The following KDM5C variants were observed in gnomAD, a reference collection of about 807,000 sequenced individuals.
KDM5C encodes lysine-specific demethylase 5C.
Under a neutral mutation model 110.6 loss-of-function variants are expected in KDM5C, and 16 were observed. That is an observed-to-expected ratio of 0.14 (90% confidence interval 0.10 to 0.22). KDM5C has a LOEUF of 0.22. KDM5C is among the 10% of genes least tolerant of loss of function. The pLI, the probability that KDM5C is intolerant of heterozygous loss-of-function variation, is 1.00. For missense variants in KDM5C, 681 were observed against 1,300.9 expected (o/e 0.52, Z 7.33); for synonymous variants, 511 against 520.4 (o/e 0.98, Z 0.24).
chrX:53,224,533 G>A (rs782017063), intron 1 of KDM5C, among the ~76,000 whole-genome samples: 10 of 111,149 alleles, frequency 9.0e-5, no homozygotes, highest in Non-Finnish European at 1.7e-4. Context: ...GGGTGGGGGT[G>A]GATCTCTGAC....
Position 53,224,897 on chromosome X carries a change from C to T in KDM5C, c.-8G>A. The T allele has an allele frequency of 8.3e-7, 1 of 1,201,085 alleles. No homozygotes were observed. The highest frequency in any genetic ancestry group is 3.0e-5 in the East Asian group (1 of 33,396). On this transcript the variant is annotated 5_prime_UTR_variant, in exon 1 of 26. Transcript: ENST00000375401. ...GTCGGACCCCGGCTCCATGGTGGGC[C>T]CGAGGTCTGGGCCAGGGATCGGGAG...
chrX:53,198,466 C>T (rs1456637418), intron 17 of KDM5C, 24 bp downstream of exon 17: 1 of 1,191,017 alleles, frequency 8.4e-7, no homozygotes, highest in Non-Finnish European at 1.1e-6. Context: ...CTTATGTGTG[C>T]CCTAACTCCT....
At chrX:53,198,009 C>T in intron 17 of KDM5C, 133 bp from the exon 18 acceptor site, 4 of 534,722 alleles carry the variant, frequency 7.5e-6, no homozygotes, top group Non-Finnish European at 1.3e-5. Context: ...GCCCCAATTG[C>T]CCAGGTTAGA....
At chrX:53,193,396 C>A (rs377113065) in intron 25 of KDM5C, 41 bp downstream of exon 25, 2 of 1,211,642 alleles carry the variant, frequency 1.7e-6, no homozygotes, top group Non-Finnish European at 2.2e-6. Flanking sequence ...GCTCCCTACT[C>A]GGCCTGACCT....
intron 1 of KDM5C, among the ~76,000 whole-genome samples, chrX:53,224,075 G>C (rs1489996128): frequency 1.8e-5 from 2 of 112,239 alleles, no homozygotes; most frequent in African/African-American, 6.5e-5. Flanking sequence ...GCCTGGCAAG[G>C]TATGAGTAAA....
chrX:53,218,947 C>T (rs1360603097), intron 2 of KDM5C, among the ~76,000 whole-genome samples: 1 of 112,116 alleles, frequency 8.9e-6, no homozygotes, highest in Admixed American at 9.4e-5. Flanking sequence ...GAGAGGGTCA[C>T]AACTGCCAAA....
downstream of KDM5C, among the ~76,000 whole-genome samples, chrX:53,186,831 C>A (rs183688796): frequency 4.5e-5 from 5 of 112,251 alleles, no homozygotes; most frequent in East Asian, 1.4e-3. Flanking sequence ...TCCACTGTTT[C>A]ATGAGTAGTT....
rs1556831593 is a variant in KDM5C, at chrX:53,192,728, G to T, written c.*239C>A. 8.7e-7 allele frequency: 1 copy of T among 1,149,657 alleles called. No individual in the cohort carries two copies. The highest frequency in any genetic ancestry group is 1.2e-6 in the Non-Finnish European group (1 of 864,063). 94.7% of individuals were successfully genotyped at this position (1,149,657 alleles called of 1,213,427 possible). On this transcript the variant is annotated 3_prime_UTR_variant, in exon 26 of 26. Coordinates refer to ENST00000375401, the MANE Select transcript of KDM5C (RefSeq NM_004187.5). The stretch of plus-strand genomic sequence containing the variant: ...CCATCTATCTGCCTCAGGTGTCTGG[G>T]AATGCTGGTTAGAGGCTACCAGGGA...
downstream of KDM5C, among the ~76,000 whole-genome samples, chrX:53,190,956 G>A (rs1934392776): frequency 9.0e-6 from 1 of 111,622 alleles, no homozygotes; most frequent in African/African-American, 3.3e-5. Flanking sequence ...AGCCCTTGAG[G>A]CAGGCATGAT....
rs1934645095 is a variant in KDM5C at position 53,194,182 on chromosome X, G to T, written c.3995C>A (p.Ala1332Asp). Reference sequence around the variant, plus strand: ...ACTGCCCTCTCTGAGGGGGTCAGAAGCAGGGGCTGCAGGGTAGTTAGGAGG... The same window carrying T: ...ACTGCCCTCTCTGAGGGGGTCAGAATCAGGGGCTGCAGGGTAGTTAGGAGG... Reference protein sequence around the residue: ...EEPPNYPAAPASDPLREGSGK... With the variant: ...EEPPNYPAAPDSDPLREGSGK... The change falls in exon 23 of 26, where the codon GCT (alanine) becomes GAT (aspartate). Residue 1332 changes from alanine to aspartate, a missense_variant. By Grantham distance (126) the Ala-to-Asp change is moderately radical. This residue lies in a region of KDM5C where 88 missense variants were observed against 85.6 expected (regional missense o/e 1.03). Coordinates refer to ENST00000375401, the MANE Select transcript of KDM5C (RefSeq NM_004187.5). 3.3e-6 allele frequency: 4 copies of T among 1,208,402 alleles called. No individual in the cohort carries two copies. The East Asian group carries it at 1.2e-4, about 36-fold the overall frequency.
chrX:53,216,900 A>C (rs1287934605), intron 5 of KDM5C, among the ~76,000 whole-genome samples: 1 of 112,688 alleles, frequency 8.9e-6, no homozygotes, highest in Non-Finnish European at 1.9e-5. Flanking sequence ...GGAAAGGAAC[A>C]AAACAGGCAA....
At chrX:53,218,107 C>T in intron 3 of KDM5C, 141 bp from the exon 4 acceptor site, 1 of 880,679 alleles carries the variant, frequency 1.1e-6, no homozygotes, top group African/African-American at 2.0e-5. Flanking sequence ...ATCCCAACCT[C>T]AAATTGCAGC....
intron 2 of KDM5C, 175 bp from the exon 3 acceptor site, chrX:53,218,573 A>C: frequency 2.1e-5 from 12 of 565,439 alleles, no homozygotes; most frequent in Non-Finnish European, 3.5e-5. Context: ...CCTCACTCTC[A>C]TTTCTTTCGT....
chrX:53,219,567 C>G (rs2073843039), intron 2 of KDM5C, among the ~76,000 whole-genome samples: 1 of 112,491 alleles, frequency 8.9e-6, no homozygotes, highest in Admixed American at 9.3e-5. Flanking sequence ...CCTCCTCACT[C>G]CAGTCAGAGA....
chrX:53,198,326 T>TC (rs1569263014), intron 17 of KDM5C, among the ~76,000 whole-genome samples, 164 bp downstream of exon 17: 1 of 111,823 alleles, frequency 8.9e-6, no homozygotes, highest in Non-Finnish European at 1.9e-5. Context: ...GGTCTCCTTG[T>TC]CCCCCCCAAC....
intron 18 of KDM5C, 33 bp downstream of exon 18, chrX:53,197,738 T>C (rs782149324): frequency 3.6e-6 from 4 of 1,108,190 alleles, no homozygotes; most frequent in South Asian, 1.9e-5. Context: ...CCTGGTCCCC[T>C]TGATCCCTCA....
chrX:53,192,882 C>CCCCCCCCCCCCA lies in KDM5C; in HGVS notation c.*84_*85insTGGGGGGGGGGG. 9.4e-7 allele frequency: 1 copy of CCCCCCCCCCCCA among 1,061,102 alleles called. No homozygotes were observed. Among genetic ancestry groups the CCCCCCCCCCCCA allele is most frequent in the Non-Finnish European group, 1.2e-6 (1 of 808,053 alleles). 87.4% of individuals were successfully genotyped at this position (1,061,102 alleles called of 1,213,427 possible). On this transcript the variant is annotated 3_prime_UTR_variant, in exon 26 of 26. Coordinates refer to ENST00000375401, the MANE Select transcript of KDM5C (RefSeq NM_004187.5). ...GGCCACCCCCCTACCCGCCCACCCC[C>CCCCCCCCCCCCA]CAAGAAGCAGGCTTGATGGTCAGAA...
At chrX:53,188,183 T>C (rs1934286100), downstream of KDM5C, among the ~76,000 whole-genome samples, 1 of 111,615 alleles carries the variant, frequency 9.0e-6, no homozygotes, top group South Asian at 3.7e-4. Context: ...AATGCTGTAA[T>C]TGGATGAGAC....
chrX:53,200,908 T>C (rs2073120119), intron 14 of KDM5C, among the ~76,000 whole-genome samples: 1 of 112,365 alleles, frequency 8.9e-6, no homozygotes, highest in Non-Finnish European at 1.9e-5. Flanking sequence ...CACCTTCAGC[T>C]TGGTAATATT....
Sources: gnomAD v4.1 joint callset for allele counts (sites outside exome capture counted in the v4.1 genomes callset) on GRCh38, gnomAD v4.1.1 for gene constraint, gnomAD v4.1.1 regional missense constraint, MANE v1.5 for transcripts, NCBI Gene and HGNC (gene_info 2026-07-23, HGNC 2026-07-21) for gene names.